The following ESAM variants were observed in gnomAD, a reference collection of about 807,000 sequenced individuals.
ESAM encodes the protein endothelial cell adhesion molecule, also known as endothelial cell-selective adhesion molecule.
In ESAM, 23 loss-of-function variants were observed where a neutral mutation model predicts 31.8. The observed-to-expected ratio is 0.72, with a 90% CI of 0.52 to 1.03. The LOEUF (loss-of-function observed/expected upper bound fraction) is 1.03, where lower values mean the gene tolerates loss of function less well. Among genes scored for constraint, ESAM ranks in the 50% least tolerant of loss-of-function variants. The probability of loss-of-function intolerance (pLI) is 0.00; values close to 1 mark genes in which losing one functional copy is unlikely to be tolerated. For missense variants in ESAM, 478 were observed against 488.9 expected (o/e 0.98, Z 0.21); for synonymous variants, 216 against 207.2 (o/e 1.04, Z -0.37).
In ESAM at chr11:124,762,037, C is replaced by G. The variant is rs1944236307; in HGVS notation, c.70+48G>C. 2 of 1,554,692 alleles carry G rather than the reference C, an allele frequency of 1.3e-6. No individual in the cohort carries two copies. ...CAAAGTTCTCCCTCAGGGTCGAACT[C>G]ACCCCATCCCGCATCCCAAGTCCCC... On this transcript the variant is annotated intron_variant, in intron 1 of 6. Coordinates refer to ENST00000278927, the MANE Select transcript of ESAM (RefSeq NM_138961.3). The surrounding 1 kb of genome is among the most constrained non-coding windows in gnomAD (Gnocchi z 6.4).
Position 124,762,201 on chromosome 11 carries a change from C to A in ESAM, c.-47G>T. On this transcript the variant is annotated 5_prime_UTR_variant, in exon 1 of 7. Transcript: ENST00000278927. This position sits in a 1 kb window ranked among gnomAD's most constrained non-coding sequence, Gnocchi z 6.4. ...AGTCAGGGGCGCCAGCCGCGGGACGCACGGACCTGCAGGTGCCGAGGCTGC... is the reference window on the plus strand; with the variant it reads ...AGTCAGGGGCGCCAGCCGCGGGACGAACGGACCTGCAGGTGCCGAGGCTGC... 4 of 1,499,716 alleles carry A rather than the reference C, an allele frequency of 2.7e-6. No homozygotes were observed. Among genetic ancestry groups the A allele is most frequent in the Non-Finnish European group, 3.6e-6 (4 of 1,100,252 alleles). 92.9% of individuals were successfully genotyped at this position (1,499,716 alleles called of 1,614,324 possible). A position where few individuals can be genotyped will look rare whatever the true frequency, so the allele number is the denominator to read the frequency against.
intron 4 of ESAM, 129 bp downstream of exon 4, chr11:124,756,078 C>T: frequency 7.7e-7 from 1 of 1,306,448 alleles, no homozygotes; most frequent in South Asian, 1.3e-5. Flanking sequence ...CCCACATCCT[C>T]CCCACATCCT....
In ESAM at chr11:124,758,484, G is replaced by A; in HGVS notation, c.114C>T (p.Asn38=). 1 of 1,607,962 alleles carries A rather than the reference G, an allele frequency of 6.2e-7. No individual in the cohort carries two copies. Among genetic ancestry groups the A allele is most frequent in the Non-Finnish European group, 8.5e-7 (1 of 1,177,100 alleles). Residue 38 remains asparagine, a synonymous_variant, in exon 2 of 7, where the codon AAC becomes AAT. Transcript: ENST00000278927. ...CCCCTCCCTCCACCGCCTGCAACCGGTTGGCGGGCAAGTGCAGTTGCAGCT... is the reference window on the plus strand; with the variant it reads ...CCCCTCCCTCCACCGCCTGCAACCGATTGGCGGGCAAGTGCAGTTGCAGCT... ...RAQLQLHLPA[N]RLQAVEGGEV...
chr11:124,754,189 T>A lies in ESAM; in HGVS notation c.857+25A>T. 3.1e-6 allele frequency: 5 copies of A among 1,610,730 alleles called. No individual in the cohort carries two copies. Among genetic ancestry groups the A allele is most frequent in the Non-Finnish European group, 4.2e-6 (5 of 1,178,102 alleles). On this transcript the variant is annotated intron_variant, in intron 6 of 6. Coordinates refer to ENST00000278927, the MANE Select transcript of ESAM (RefSeq NM_138961.3). This position sits in a 1 kb window ranked among gnomAD's most constrained non-coding sequence, Gnocchi z 4.5. ...TGAGGAGAGCTGGGAGAGCCCCCGC[T>A]GCAGCAGACACCAGGGACACTTACT...
Position 124,762,168 on chromosome 11 carries a change from C to T in ESAM, c.-14G>A. On this transcript the variant is annotated 5_prime_UTR_variant, in exon 1 of 7. Coordinates refer to ENST00000278927, the MANE Select transcript of ESAM (RefSeq NM_138961.3). The surrounding 1 kb of genome is among the most constrained non-coding windows in gnomAD (Gnocchi z 6.4). ...GAGGGAAATCATGGCCCTCCCTGGC[C>T]GGGACGGAGTCAGGGGCGCCAGCCG... The T allele has an allele frequency of 1.9e-6, 3 of 1,600,882 alleles. No individual in the cohort carries two copies. Among genetic ancestry groups the T allele is most frequent in the South Asian group, 1.1e-5 (1 of 89,900 alleles).
rs1490146929 is a variant in ESAM at position 124,758,368 on chromosome 11, T to A, written c.230A>T (p.Gln77Leu). The A allele has an allele frequency of 6.2e-7, 1 of 1,614,072 alleles. No individual in the cohort carries two copies. Among genetic ancestry groups the A allele is most frequent in the Admixed American group, 1.7e-5 (1 of 60,000 alleles). Residue 77 changes from glutamine (Q) to leucine (L), a missense_variant, in exon 2 of 7, where the codon CAG becomes CTG. Gln to Leu is a moderately radical substitution (Grantham distance 113). Coordinates refer to ENST00000278927, the MANE Select transcript of ESAM (RefSeq NM_138961.3). ...CCTCACCTGATCCTCCTTTTCTTTCTGTTTGAAGAACCACATCACAAAGGG... is the reference window on the plus strand; with the variant it reads ...CCTCACCTGATCCTCCTTTTCTTTCAGTTTGAAGAACCACATCACAAAGGG... ...EVPFVMWFFK[Q>L]KEKEDQVLSY...
chr11:124,757,293 T>C (rs1944167044), intron 2 of ESAM: 1 of 157,814 alleles, frequency 6.3e-6, no homozygotes, highest in Non-Finnish European at 1.4e-5. Flanking sequence ...TAGCCTGGCA[T>C]GGTGGCGTGT....
Position 124,754,616 on chromosome 11 carries a change from T to G in ESAM, c.730+25A>C, listed in dbSNP as rs1169617170. Reference sequence around the variant, plus strand: ...CCTCCCCCACCATTGACCACTCTTCTTAACCACACTTACCCCTCACTGACC... The same window carrying G: ...CCTCCCCCACCATTGACCACTCTTCGTAACCACACTTACCCCTCACTGACC... On this transcript the variant is annotated intron_variant, in intron 5 of 6. Transcript: ENST00000278927. This position sits in a 1 kb window ranked among gnomAD's most constrained non-coding sequence, Gnocchi z 4.5. 2 of 1,602,310 alleles carry G rather than the reference T, an allele frequency of 1.2e-6. No individual in the cohort carries two copies. Among genetic ancestry groups the G allele is most frequent in the Non-Finnish European group, 1.7e-6 (2 of 1,174,028 alleles).
Position 124,754,672 on chromosome 11 carries a change from G to A in ESAM, c.699C>T (p.Ala233=). ...TCACTTCCAGCGTCACATTACATTG[G>A]GCAGTGCCCACCTCATTGTGGGCCT... The part of the protein sequence containing the change: ...VCKAHNEVGT[A]QCNVTLEVST... Residue 233 remains alanine, a synonymous_variant, in exon 5 of 7, where the codon GCC becomes GCT. Transcript: ENST00000278927. The surrounding 1 kb of genome is among the most constrained non-coding windows in gnomAD (Gnocchi z 4.5). 2 of 1,613,850 alleles carry A rather than the reference G, an allele frequency of 1.2e-6. No individual in the cohort carries two copies. The highest frequency in any genetic ancestry group is 1.7e-6 in the Non-Finnish European group (2 of 1,179,932).
rs1944125411 is a variant in ESAM, at chr11:124,754,042, C to G, written c.858-81G>C. 1 of 1,566,578 alleles carries G rather than the reference C, an allele frequency of 6.4e-7. No individual in the cohort carries two copies. The highest frequency in any genetic ancestry group is 2.2e-5 in the East Asian group (1 of 44,560). On this transcript the variant is annotated intron_variant, in intron 6 of 6. Coordinates refer to ENST00000278927, the MANE Select transcript of ESAM (RefSeq NM_138961.3). The surrounding 1 kb of genome is among the most constrained non-coding windows in gnomAD (Gnocchi z 4.5). ...GTTTCTACCTGCTTGGTCTTATATA[C>G]CACCTCTGCCTGCACACTTCAGTAC... is the stretch of plus-strand genomic sequence containing the variant.
Position 124,754,768 on chromosome 11 carries a change from G to A in ESAM, c.608-5C>T, listed in dbSNP as rs753698502. On this transcript the variant is annotated splice_polypyrimidine_tract_variant and splice_region_variant and intron_variant, in intron 4 of 6. Coordinates refer to ENST00000278927, the MANE Select transcript of ESAM (RefSeq NM_138961.3). This position sits in a 1 kb window ranked among gnomAD's most constrained non-coding sequence, Gnocchi z 4.5. ...TTAAAGACCCACGGATGACATCTGT[G>A]GACACAATTTAGCCATCAGTCCAGG... 1.2e-6 allele frequency: 2 copies of A among 1,609,056 alleles called. No homozygotes were observed. Among genetic ancestry groups the A allele is most frequent in the Non-Finnish European group, 1.7e-6 (2 of 1,178,348 alleles).
Position 124,753,951 on chromosome 11 carries a change from T to C in ESAM, c.868A>G (p.Ile290Val), listed in dbSNP as rs137918325. Reference sequence around the variant, plus strand: ...GGCCAGGGCAGGGTCCGGGGAGCAATGGCATCCTCCCTAGTCATCAAAGAA... The same window carrying C: ...GGCCAGGGCAGGGTCCGGGGAGCAACGGCATCCTCCCTAGTCATCAAAGAA... Reference protein sequence around the residue: ...EPANDIKEDAIAPRTLPWPKS... With the variant: ...EPANDIKEDAVAPRTLPWPKS... Residue 290 changes from isoleucine (I) to valine (V), a missense_variant, in exon 7 of 7, where the codon ATT becomes GTT. Physicochemically the swap from Ile to Val is conservative, Grantham distance 29. Coordinates refer to ENST00000278927, the MANE Select transcript of ESAM (RefSeq NM_138961.3). The C allele has an allele frequency of 1.1e-3, 1,855 of 1,613,314 alleles. 6 individuals are homozygous for C. Among genetic ancestry groups the C allele is most frequent in the Non-Finnish European group, 1.3e-3 (1,478 of 1,179,930 alleles).
At chr11:124,755,317 G>T (rs978773039) in intron 4 of ESAM, among the ~76,000 whole-genome samples, 1 of 151,996 alleles carries the variant, frequency 6.6e-6, no homozygotes, top group Non-Finnish European at 1.5e-5. Flanking sequence ...AATGGGTACA[G>T]CACACCAGCA....
intron 4 of ESAM, 121 bp downstream of exon 4, chr11:124,756,086 C>T: frequency 1.5e-6 from 2 of 1,304,474 alleles, no homozygotes; most frequent in East Asian, 2.4e-5. Context: ...CTCCCCACAT[C>T]CTCCTCCTCC....
chr11:124,758,324 T>C (rs748119305), intron 2 of ESAM, 25 bp downstream of exon 2: 2 of 1,613,864 alleles, frequency 1.2e-6, no homozygotes, highest in East Asian at 2.2e-5. Flanking sequence ...AACTTGCCGC[T>C]GGCTGACAGG....
intron 1 of ESAM, among the ~76,000 whole-genome samples, chr11:124,761,260 T>TGCCGGGTCCTGCCG (rs1206427297): frequency 6.6e-6 from 1 of 152,188 alleles, no homozygotes; most frequent in African/African-American, 2.4e-5. Flanking sequence ...TAAAAGGGCC[T>TGCCGGGTCCTGCCG]AGTCCTGCCG....
rs752354928 is a variant in ESAM, at chr11:124,754,755, G to A, written c.616C>T (p.Arg206Cys). The change falls in exon 5 of 7, where the codon CGT becomes TGT. Residue 206 changes from arginine (R) to cysteine (C), a missense_variant. Transcript: ENST00000278927. The surrounding 1 kb of genome is among the most constrained non-coding windows in gnomAD (Gnocchi z 4.5). ...TFFAPALDVI[R>C]GSLSLTNLSS... ...AGGTTGGTGAGGCTTAAAGACCCAC[G>A]GATGACATCTGTGGACACAATTTAG... is the stretch of plus-strand genomic sequence containing the variant. The A allele has an allele frequency of 3.4e-5, 55 of 1,612,890 alleles. No individual in the cohort carries two copies. In the Middle Eastern group the frequency reaches 4.5e-3, roughly 131 times the overall value.
chr11:124,759,443 T>A lies in ESAM; in HGVS notation c.71-916A>T, dbSNP rs962950688. 1.1e-4 allele frequency: 17 copies of A among 152,412 alleles called. No homozygotes were observed. Among genetic ancestry groups the A allele is most frequent in the African/African-American group, 3.8e-4 (16 of 41,576 alleles). 9.4% of individuals were successfully genotyped at this position (152,412 alleles called of 1,614,324 possible). The stretch of plus-strand genomic sequence containing the variant: ...GCCCTTTGGGGAATAACCTTGGGCT[T>A]GCACACGGCCAGGCCTGAGGATGAT... On this transcript the variant is annotated intron_variant, in intron 1 of 6. Coordinates refer to ENST00000278927, the MANE Select transcript of ESAM (RefSeq NM_138961.3). This position sits in a 1 kb window ranked among gnomAD's most constrained non-coding sequence, Gnocchi z 6.8.
At position 124,753,603 on chromosome 11, in the gene ESAM, A is replaced by G; in HGVS notation, c.*43T>C. The stretch of plus-strand genomic sequence containing the variant: ...CTGTGCTAGAGGTGACCCTTATAGG[A>G]AGGAGAGACCCCAAATCCTTTAGCC... On this transcript the variant is annotated 3_prime_UTR_variant, in exon 7 of 7. Transcript: ENST00000278927. 1 of 1,608,538 alleles carries G rather than the reference A, an allele frequency of 6.2e-7. No homozygotes were observed. Among genetic ancestry groups the G allele is most frequent in the Non-Finnish European group, 8.5e-7 (1 of 1,178,110 alleles).
Sources: gnomAD v4.1 joint callset for allele counts (sites outside exome capture counted in the v4.1 genomes callset) on GRCh38, gnomAD v4.1.1 for gene constraint, Gnocchi (gnomAD v3.1) non-coding constraint, MANE v1.5 for transcripts, NCBI Gene and HGNC (gene_info 2026-07-23, HGNC 2026-07-21) for gene names.